The following E2F7 variants were observed in gnomAD, a reference collection of about 807,000 sequenced individuals.
The protein encoded by E2F7 is transcription factor E2F7.
Under a neutral mutation model 81.1 loss-of-function variants are expected in E2F7, and 35 were observed. That is an observed-to-expected ratio of 0.43 (90% confidence interval 0.33 to 0.57). The LOEUF (loss-of-function observed/expected upper bound fraction) is 0.57, where lower values mean the gene tolerates loss of function less well. Ranked by LOEUF, E2F7 falls within the 20% of genes least tolerant of loss-of-function variation. E2F7 has a pLI of 0.04. For synonymous variants in E2F7, 416 were observed against 416.2 expected, an observed-to-expected ratio of 1.00 and a Z score of 0.01; for missense variants, 961 against 1,093.7, an observed-to-expected ratio of 0.88 and a Z score of 1.71.
At chr12:77,030,385 C>A in intron 9 of E2F7, 53 bp from the exon 10 acceptor site, 1 of 1,505,338 alleles carries the variant, frequency 6.6e-7, no homozygotes, top group Admixed American at 2.3e-5. Flanking sequence ...AACTCCTGAC[C>A]CTTTACTTTC....
At chr12:77,060,925 A>C (rs1480672456) in intron 2 of E2F7, among the ~76,000 whole-genome samples, 5 of 152,158 alleles carry the variant, frequency 3.3e-5, no homozygotes, top group African/African-American at 1.2e-4. Context: ...TCAATGGCAA[A>C]ATATCTTACT....
intron 2 of E2F7, among the ~76,000 whole-genome samples, chr12:77,063,690 G>A (rs74103261): frequency 0.02 from 3,051 of 152,114 alleles, 47 homozygotes; most frequent in African/African-American, 0.046. Flanking sequence ...ATACAATTTC[G>A]CATCTATCCT....
At chr12:77,055,760 A>T in intron 3 of E2F7, 95 bp downstream of exon 3, 1 of 1,435,282 alleles carries the variant, frequency 7.0e-7, no homozygotes, top group African/African-American at 1.4e-5. Context: ...TTTTGGCTCA[A>T]TAGGAGCTGA....
At chr12:77,058,270 A>T (rs1955051168) in intron 2 of E2F7, among the ~76,000 whole-genome samples, 1 of 151,900 alleles carries the variant, frequency 6.6e-6, no homozygotes, top group Non-Finnish European at 1.5e-5. Context: ...GCATGTATTG[A>T]CTCCTCATCC....
At chr12:77,033,013 GAAA>G in intron 9 of E2F7, 34 bp downstream of exon 9, 1 of 1,581,250 alleles carries the variant, frequency 6.3e-7, no homozygotes, top group Non-Finnish European at 8.6e-7. Context: ...CTAGGAGATA[GAAA>G]AGAATACACT....
rs1357922807 is a variant in E2F7 at position 77,031,791 on chromosome 12, G to A, written c.1382+1259C>T. 7.2e-5 allele frequency among the ~76,000 whole-genome samples: 11 copies of A among 152,250 alleles called. No homozygotes were observed. The East Asian group carries it at 1.2e-3, about 16-fold the overall frequency. Reference sequence around the variant, plus strand: ...TGCCTACCATCTCACTGCCTACTGCGCTGCTGAGAATAAAATGCAGTACCC... The same window carrying A: ...TGCCTACCATCTCACTGCCTACTGCACTGCTGAGAATAAAATGCAGTACCC... On this transcript the variant is annotated intron_variant, in intron 9 of 12. Coordinates refer to ENST00000322886, the MANE Select transcript of E2F7 (RefSeq NM_203394.3).
chr12:77,041,009 T>C (rs1313983391), intron 7 of E2F7, among the ~76,000 whole-genome samples: 1 of 152,150 alleles, frequency 6.6e-6, no homozygotes, highest in Non-Finnish European at 1.5e-5. Flanking sequence ...TTATCAGTAA[T>C]GAAACTAGGG....
chr12:77,028,528 C>T (rs968338395), intron 10 of E2F7, among the ~76,000 whole-genome samples: 47 of 150,210 alleles, frequency 3.1e-4, no homozygotes, highest in Middle Eastern at 3.5e-3. Context: ...AGTGCAGTGG[C>T]GCGATCTCGG....
chr12:77,061,019 T>C (rs538715899), intron 2 of E2F7, among the ~76,000 whole-genome samples: 2 of 152,206 alleles, frequency 1.3e-5, no homozygotes, highest in Non-Finnish European at 2.9e-5. Flanking sequence ...TACCACTGTT[T>C]CTTTCTCTCC....
intron 3 of E2F7, among the ~76,000 whole-genome samples, chr12:77,053,759 G>A (rs1325815400): frequency 6.6e-6 from 1 of 152,176 alleles, no homozygotes; most frequent in Non-Finnish European, 1.5e-5. Context: ...ACAGCTACAT[G>A]CGAAAACACA....
chr12:77,049,803 T>C (rs1592563836), intron 4 of E2F7, among the ~76,000 whole-genome samples: 1 of 152,254 alleles, frequency 6.6e-6, no homozygotes, highest in Non-Finnish European at 1.5e-5. Context: ...CATTTATTTA[T>C]TTAGCTGATT....
chr12:77,033,007 G>T, intron 9 of E2F7, 43 bp downstream of exon 9: 1 of 1,565,876 alleles, frequency 6.4e-7, no homozygotes. Context: ...TTAACACTAG[G>T]AGATAGAAAA....
intron 8 of E2F7, among the ~76,000 whole-genome samples, chr12:77,033,656 T>C (rs1457137344): frequency 6.6e-6 from 1 of 152,254 alleles, no homozygotes. Context: ...CAAGGGGTCA[T>C]GTTCATAGAC....
At chr12:77,036,128 G>A (rs567005934) in intron 7 of E2F7, among the ~76,000 whole-genome samples, 30 of 152,178 alleles carry the variant, frequency 2.0e-4, no homozygotes, top group African/African-American at 6.7e-4. Flanking sequence ...AGTAATGGCC[G>A]AAAATTTGCC....
At position 77,028,194 on chromosome 12, in the gene E2F7, CTCTCT is replaced by C. The variant is rs1954775127; in HGVS notation, c.1885-61_1885-57del. 9.0e-4 allele frequency: 1,230 copies of C among 1,372,274 alleles called. 1 individual carries two copies. The highest frequency in any genetic ancestry group is 2.2e-3 in the Admixed American group (89 of 40,134). 85.0% of individuals were successfully genotyped at this position (1,372,274 alleles called of 1,614,324 possible). On this transcript the variant is annotated intron_variant, in intron 10 of 12. Transcript: ENST00000322886. ...GTAAGTTAAAATTCCAGTAGTAAAT[CTCTCT>C]TTTTTTTTTTTGAGATGGAGTCTCA...
chr12:77,056,106 T>C lies in E2F7; in HGVS notation c.118A>G (p.Arg40Gly), dbSNP rs1329005275. The change falls in exon 3 of 13, where the codon AGG (arginine) becomes GGG (glycine). Residue 40 changes from arginine (R) to glycine (G), a missense_variant. Around this residue, in one of 3 missense-constraint regions of E2F7, gnomAD observed 73 missense variants for 68.4 expected, o/e 1.07. Transcript: ENST00000322886. ...TTTATTGGAGTCTTCGGGGCCATCCTTGATCGATCAACAAATATATTTTCC... is the reference window on the plus strand; with the variant it reads ...TTTATTGGAGTCTTCGGGGCCATCCCTGATCGATCAACAAATATATTTTCC... ...QKENIFVDRSRMAPKTPIKNE... is the reference protein window; with the variant it reads ...QKENIFVDRSGMAPKTPIKNE... 2.5e-6 allele frequency: 4 copies of C among 1,604,322 alleles called. No homozygotes were observed. The highest frequency in any genetic ancestry group is 2.5e-6 in the Non-Finnish European group (3 of 1,177,610).
rs1954737534 is a variant in E2F7 at position 77,024,088 on chromosome 12, C to T, written c.2663G>A (p.Arg888Lys). Reference protein sequence around the residue: ...GSLGDPVLKRRERNQSRNTSS... With the variant: ...GSLGDPVLKRKERNQSRNTSS... ...GGTGTTTCGTGACTGGTTCCTTTCT[C>T]TTCTCTTCAGGACAGGGTCTCCAAG... Residue 888 changes from arginine to lysine, a missense_variant, in exon 13 of 13, where the codon AGA (arginine) becomes AAA (lysine). By Grantham distance (26) the Arg-to-Lys change is conservative. Coordinates refer to ENST00000322886, the MANE Select transcript of E2F7 (RefSeq NM_203394.3). 3 of 1,613,944 alleles carry T rather than the reference C, an allele frequency of 1.9e-6. No homozygotes were observed. The highest frequency in any genetic ancestry group is 1.7e-6 in the Non-Finnish European group (2 of 1,180,026).
At chr12:77,047,922 GA>G (rs2120712541) in intron 4 of E2F7, among the ~76,000 whole-genome samples, 1 of 152,212 alleles carries the variant, frequency 6.6e-6, no homozygotes, top group African/African-American at 2.4e-5. Flanking sequence ...CTTCCCATTA[GA>G]AATATCATGT....
At chr12:77,048,056 T>G (rs972062066) in intron 4 of E2F7, among the ~76,000 whole-genome samples, 3 of 152,168 alleles carry the variant, frequency 2.0e-5, no homozygotes, top group African/African-American at 7.2e-5. Context: ...ACAAAATAAG[T>G]TTCTGACCAC....
Sources: gnomAD v4.1 joint callset for allele counts (sites outside exome capture counted in the v4.1 genomes callset) on GRCh38, gnomAD v4.1.1 for gene constraint, gnomAD v4.1.1 regional missense constraint, MANE v1.5 for transcripts, NCBI Gene and HGNC (gene_info 2026-07-23, HGNC 2026-07-21) for gene names.